Variants in GRIK2 observed in about 807,000 individuals in gnomAD.
GRIK2 encodes glutamate receptor ionotropic, kainate 2.
Under a neutral mutation model 100.3 loss-of-function variants are expected in GRIK2, and 32 were observed. The observed-to-expected ratio is 0.32, with a 90% CI of 0.24 to 0.43. The LOEUF (loss-of-function observed/expected upper bound fraction) is 0.43, where lower values mean the gene tolerates loss of function less well. Among genes scored for constraint, GRIK2 ranks in the 20% least tolerant of loss-of-function variants. The probability of loss-of-function intolerance (pLI) is 1.00; values close to 1 mark genes in which losing one functional copy is unlikely to be tolerated. For missense variants in GRIK2, 843 were observed against 1,114.9 expected, an observed-to-expected ratio of 0.76 and a Z score of 3.47; for synonymous variants, 417 against 389.4, an observed-to-expected ratio of 1.07 and a Z score of -0.83.
chr6:101,503,210 G>C (rs568885119), intron 2 of GRIK2, among the ~76,000 whole-genome samples: 5 of 152,126 alleles, frequency 3.3e-5, no homozygotes, highest in African/African-American at 1.2e-4. Flanking sequence ...CATTTGTTTT[G>C]TTTAGCATAG....
At chr6:101,619,325 A>AT (rs1780036974) in intron 2 of GRIK2, among the ~76,000 whole-genome samples, 2 of 151,796 alleles carry the variant, frequency 1.3e-5, no homozygotes, top group African/African-American at 4.8e-5. Flanking sequence ...ATAGCTATTT[A>AT]TTTTTTAATT....
chr6:102,049,267 G>A (rs1771052063), intron 15 of GRIK2, among the ~76,000 whole-genome samples: 1 of 152,038 alleles, frequency 6.6e-6, no homozygotes, highest in African/African-American at 2.4e-5. Context: ...GCAGAAAGGA[G>A]AGTACATAGG....
chr6:101,642,812 T>C (rs1781342833), intron 4 of GRIK2, among the ~76,000 whole-genome samples: 1 of 151,764 alleles, frequency 6.6e-6, no homozygotes, highest in Non-Finnish European at 1.5e-5. Flanking sequence ...GGAACCATCA[T>C]ACTGTTTTCC....
In GRIK2 at chr6:101,799,277, T is replaced by TTGTGTGTGTGTG. The variant is rs58920833; in HGVS notation, c.952-353_952-342dup. ...ATTAAAAATGTTAGCAATGTACTCATTGTGTGTGTGTGTGTGTGTGTGTGT... is the reference window on the plus strand; with the variant it reads ...ATTAAAAATGTTAGCAATGTACTCATTGTGTGTGTGTGTGTGTGTGTGTGTGTGTGTGTGTGT... On this transcript the variant is annotated intron_variant, in intron 7 of 16. Coordinates refer to ENST00000369134, the MANE Select transcript of GRIK2 (RefSeq NM_021956.5). Among the ~76,000 whole-genome samples the TTGTGTGTGTGTG allele has an allele frequency of 4.0e-3, 586 of 146,636 alleles. 6 individuals carry two copies. The highest frequency in any genetic ancestry group is 0.014 in the African/African-American group (547 of 39,922).
intron 2 of GRIK2, among the ~76,000 whole-genome samples, chr6:101,494,971 TTATATATATATATATA>T (rs369006296): frequency 1.9e-5 from 2 of 107,984 alleles, no homozygotes; most frequent in Non-Finnish European, 3.8e-5. Context: ...ATATATGCAT[TTATATATATATATATA>T]TATATATATA....
intron 2 of GRIK2, among the ~76,000 whole-genome samples, chr6:101,512,093 C>T (rs545494632): frequency 2.3e-4 from 35 of 150,992 alleles, no homozygotes; most frequent in African/African-American, 8.0e-4. Context: ...TACATGAATA[C>T]TTAAAATATC....
intron 2 of GRIK2, among the ~76,000 whole-genome samples, chr6:101,420,977 C>T (rs184073323): frequency 2.6e-5 from 4 of 152,300 alleles, no homozygotes; most frequent in Admixed American, 2.6e-4. Context: ...GACATGGGGC[C>T]AGTGCTCTGG....
chr6:101,791,587 T>C lies in GRIK2; in HGVS notation c.952-8061T>C, dbSNP rs1329747887. 3.2e-3 allele frequency among the ~76,000 whole-genome samples: 477 copies of C among 148,506 alleles called. 4 individuals are homozygous for C. Among genetic ancestry groups the C allele is most frequent in the South Asian group, 0.018 (87 of 4,766 alleles). On this transcript the variant is annotated intron_variant, in intron 7 of 16. Coordinates refer to ENST00000369134, the MANE Select transcript of GRIK2 (RefSeq NM_021956.5). ...GGTCTGAGAGACAGTTTGTTATAAT[T>C]TCTTTTTTTTTACATTTGCTGAGGA...
chr6:101,917,941 G>T (rs1789228354), intron 12 of GRIK2, among the ~76,000 whole-genome samples: 1 of 151,308 alleles, frequency 6.6e-6, no homozygotes, highest in African/African-American at 2.4e-5. Context: ...TAGAATGTTT[G>T]TTTATACTTG....
chr6:101,484,827 G>A (rs1379239151), intron 2 of GRIK2, among the ~76,000 whole-genome samples: 4 of 151,834 alleles, frequency 2.6e-5, no homozygotes, highest in Non-Finnish European at 5.9e-5. Context: ...ATATATTTTA[G>A]ACAAGTATGA....
intron 2 of GRIK2, among the ~76,000 whole-genome samples, chr6:101,601,469 C>CCCT (rs1779210251): frequency 6.6e-6 from 1 of 151,866 alleles, no homozygotes; most frequent in African/African-American, 2.4e-5. Flanking sequence ...ATGGAGGAAT[C>CCCT]CCTCCTTCTT....
intron 4 of GRIK2, among the ~76,000 whole-genome samples, chr6:101,665,748 C>G (rs886965496): frequency 6.6e-6 from 1 of 152,070 alleles, no homozygotes; most frequent in Non-Finnish European, 1.5e-5. Flanking sequence ...TGGTCATTTT[C>G]TAGGTATTTT....
At chr6:101,999,099 T>G (rs2114253814) in intron 14 of GRIK2, among the ~76,000 whole-genome samples, 1 of 152,122 alleles carries the variant, frequency 6.6e-6, no homozygotes, top group East Asian at 1.9e-4. Context: ...TTTAATCTGC[T>G]GCATTTTTCT....
At chr6:101,993,704 A>G (rs1253516456) in intron 14 of GRIK2, 1 of 150,106 alleles carries the variant, frequency 6.7e-6, no homozygotes, top group East Asian at 2.0e-4. Context: ...TTATCTATCT[A>G]TGCATAGATA....
chr6:101,895,043 A>G (rs985019161), intron 12 of GRIK2, among the ~76,000 whole-genome samples: 1 of 146,046 alleles, frequency 6.8e-6, no homozygotes, highest in East Asian at 1.9e-4. Context: ...ATAAATTACT[A>G]TACCAAATTT....
At chr6:101,599,580 T>C (rs1260162001) in intron 2 of GRIK2, among the ~76,000 whole-genome samples, 1 of 151,286 alleles carries the variant, frequency 6.6e-6, no homozygotes, top group South Asian at 2.1e-4. Flanking sequence ...CTAGCCTCTA[T>C]ACTTTTTTAT....
intron 14 of GRIK2, among the ~76,000 whole-genome samples, chr6:102,034,844 A>G (rs887392588): frequency 6.6e-6 from 1 of 151,388 alleles, no homozygotes; most frequent in African/African-American, 2.4e-5. Context: ...TTTTTTGTGT[A>G]TCCCTGGGGG....
intron 14 of GRIK2, among the ~76,000 whole-genome samples, chr6:102,022,307 T>C (rs2114369590): frequency 6.6e-6 from 1 of 151,750 alleles, no homozygotes; most frequent in Non-Finnish European, 1.5e-5. Context: ...CATTTCTCAG[T>C]GAAGTAGTTA....
chr6:101,741,430 A>G (rs959878319), intron 7 of GRIK2, among the ~76,000 whole-genome samples: 1 of 152,236 alleles, frequency 6.6e-6, no homozygotes, highest in Admixed American at 6.5e-5. Context: ...GACGATAGAT[A>G]GATTAGCAGA....
Sources: allele counts gnomAD v4.1 joint callset (sites outside exome capture counted in the v4.1 genomes callset), GRCh38; gene constraint gnomAD v4.1.1; transcripts MANE v1.5; gene names NCBI Gene and HGNC (gene_info 2026-07-23, HGNC 2026-07-21).